Variants in TRERF1 observed in about 807,000 individuals in gnomAD.
The protein encoded by TRERF1 is transcriptional regulating factor 1.
Under a neutral mutation model 122.9 loss-of-function variants are expected in TRERF1, and 27 were observed. The observed-to-expected ratio is 0.22, with a 90% confidence interval of 0.16 to 0.30. TRERF1 has a LOEUF of 0.30. Ranked by LOEUF, TRERF1 falls within the 10% of genes least tolerant of loss-of-function variation. The probability of loss-of-function intolerance (pLI) is 1.00; values close to 1 mark genes in which losing one functional copy is unlikely to be tolerated. For synonymous variants in TRERF1, 636 were observed against 641.7 expected, an observed-to-expected ratio of 0.99 and a Z score of 0.13; for missense variants, 1,248 against 1,560.3, an observed-to-expected ratio of 0.80 and a Z score of 3.37.
chr6:42,343,943 C>T (rs538994863), intron 3 of TRERF1, among the ~76,000 whole-genome samples: 6 of 152,322 alleles, frequency 3.9e-5, no homozygotes, highest in Admixed American at 3.9e-4. Flanking sequence ...AGCTGCTGAG[C>T]CTCAGTTCTT....
chr6:42,255,527 C>T (rs1436027672), intron 12 of TRERF1, among the ~76,000 whole-genome samples: 1 of 152,226 alleles, frequency 6.6e-6, no homozygotes, highest in Non-Finnish European at 1.5e-5. Context: ...ACGTCCCTCA[C>T]CTGGGAGCCG....
At chr6:42,442,626 A>G (rs761411641) in intron 2 of TRERF1, among the ~76,000 whole-genome samples, 3 of 152,246 alleles carry the variant, frequency 2.0e-5, no homozygotes, top group Non-Finnish European at 4.4e-5. Flanking sequence ...TTTGTGCTCC[A>G]GAATAATGGA....
In TRERF1 at chr6:42,436,810, A is replaced by ATATAT. The variant is rs1235613225; in HGVS notation, c.-454+14366_-454+14367insATATA. Among the ~76,000 whole-genome samples, 454 of 101,932 alleles carry ATATAT rather than the reference A, an allele frequency of 4.5e-3. 2 individuals carry two copies. The highest frequency in any genetic ancestry group is 6.0e-3 in the Admixed American group (53 of 8,864). The allele number at this position is 101,932 out of a possible 152,430, so 66.9% of individuals were successfully genotyped here. A position where few individuals can be genotyped will look rare whatever the true frequency, so the allele number is the denominator to read the frequency against. On this transcript the variant is annotated intron_variant, in intron 2 of 17. Coordinates refer to ENST00000372922, the Ensembl canonical transcript of TRERF1. ...TGCAATCTCCCTCTACAAAAAAAAA[A>ATATAT]AAAAATATATATATATATATATATA...
intron 15 of TRERF1, among the ~76,000 whole-genome samples, chr6:42,237,913 A>G (rs945417135): frequency 6.6e-6 from 1 of 152,242 alleles, no homozygotes; most frequent in African/African-American, 2.4e-5. Flanking sequence ...GGTGTATTTA[A>G]GAAATGGCTT....
chr6:42,326,027 G>A (rs395986), intron 3 of TRERF1, among the ~76,000 whole-genome samples: 79 of 152,296 alleles, frequency 5.2e-4, no homozygotes, highest in African/African-American at 1.7e-3. Context: ...TACAAAATGC[G>A]GGAGGGTGGC....
intron 2 of TRERF1, among the ~76,000 whole-genome samples, chr6:42,407,056 A>G (rs1780281255): frequency 2.0e-5 from 3 of 152,244 alleles, no homozygotes; most frequent in Admixed American, 6.5e-5. Context: ...CTAGCTCCCA[A>G]GTAAAGGAAC....
intron 13 of TRERF1, among the ~76,000 whole-genome samples, chr6:42,251,422 T>G (rs1053496293): frequency 2.0e-5 from 3 of 152,134 alleles, no homozygotes; most frequent in Admixed American, 6.6e-5. Context: ...AGTAATTTTT[T>G]GGGGGGTGCA....
rs1778596295 is a variant in TRERF1, at chr6:42,263,431, C to G, written c.1773G>C (p.Lys591Asn). The G allele has an allele frequency of 6.2e-7, 1 of 1,611,666 alleles. No individual in the cohort carries two copies. The highest frequency in any genetic ancestry group is 8.5e-7 in the Non-Finnish European group (1 of 1,178,894). ...GAGAGCTGGGCTTGGGCGGGAGAAG[C>G]TTGACAGGGACAGACACGGGCATGA... is the stretch of plus-strand genomic sequence containing the variant. Residue 591 changes from lysine (K) to asparagine (N), a missense_variant, in exon 8 of 18, where the codon AAG (lysine) becomes AAC (asparagine). Physicochemically the swap from Lys to Asn is moderately conservative, Grantham distance 94. This residue lies in a region of TRERF1 where 946 missense variants were observed against 1,073.0 expected (regional missense o/e 0.88). Transcript: ENST00000372922. This position sits in a 1 kb window ranked among gnomAD's most constrained non-coding sequence, Gnocchi z 5.6.
intron 1 of TRERF1, 25 bp from the exon 2 acceptor site, chr6:42,451,286 T>C (rs1292526428): frequency 6.5e-6 from 1 of 153,146 alleles, no homozygotes; most frequent in Non-Finnish European, 1.5e-5. Context: ...TCAATATTAA[T>C]TTATGTCAGC....
At chr6:42,245,045 G>C (rs1004482576) in intron 14 of TRERF1, among the ~76,000 whole-genome samples, 1 of 152,224 alleles carries the variant, frequency 6.6e-6, no homozygotes, top group African/African-American at 2.4e-5. Flanking sequence ...CTGACACCTG[G>C]AATTTCCACA....
At chr6:42,410,428 C>T (rs1780941556) in intron 2 of TRERF1, among the ~76,000 whole-genome samples, 2 of 152,104 alleles carry the variant, frequency 1.3e-5, no homozygotes, top group Admixed American at 6.5e-5. Flanking sequence ...GGATTACAGG[C>T]GTGAGCCACT....
intron 3 of TRERF1, among the ~76,000 whole-genome samples, chr6:42,318,609 T>C (rs1444859282): frequency 6.6e-6 from 1 of 152,210 alleles, no homozygotes; most frequent in Non-Finnish European, 1.5e-5. Context: ...CCAGAATGGA[T>C]ACTCAGGGGC....
At chr6:42,264,334 G>T (rs2149842476) in intron 7 of TRERF1, among the ~76,000 whole-genome samples, 1 of 152,332 alleles carries the variant, frequency 6.6e-6, no homozygotes, top group East Asian at 1.9e-4. Context: ...GCTTTCTCTG[G>T]CAATTGACCA....
chr6:42,384,868 G>A (rs1370565150), intron 2 of TRERF1, among the ~76,000 whole-genome samples: 4 of 151,712 alleles, frequency 2.6e-5, no homozygotes, highest in South Asian at 2.1e-4. Context: ...GCAGTGGCAC[G>A]ATCTCAGCTC....
chr6:42,304,797 C>T (rs781625765), intron 3 of TRERF1, among the ~76,000 whole-genome samples: 6 of 152,168 alleles, frequency 3.9e-5, no homozygotes, highest in Admixed American at 6.5e-5. Context: ...ACCATTCTAC[C>T]GTGTACAGAA....
At chr6:42,350,030 T>C (rs889624065) in intron 3 of TRERF1, among the ~76,000 whole-genome samples, 1 of 152,196 alleles carries the variant, frequency 6.6e-6, no homozygotes, top group Non-Finnish European at 1.5e-5. Context: ...CTATCATATT[T>C]AGATTGCATT....
At chr6:42,350,024 C>A (rs1300555684) in intron 3 of TRERF1, among the ~76,000 whole-genome samples, 1 of 152,142 alleles carries the variant, frequency 6.6e-6, no homozygotes, top group Non-Finnish European at 1.5e-5. Context: ...AGTGGACTAT[C>A]ATATTTAGAT....
intron 4 of TRERF1, among the ~76,000 whole-genome samples, chr6:42,277,542 T>C (rs903254015): frequency 6.6e-6 from 1 of 152,150 alleles, no homozygotes; most frequent in South Asian, 2.1e-4. Flanking sequence ...TCTGTGAATA[T>C]GGGGTAGTTA....
At chr6:42,316,490 C>T (rs1052410685) in intron 3 of TRERF1, among the ~76,000 whole-genome samples, 1 of 152,188 alleles carries the variant, frequency 6.6e-6, no homozygotes, top group African/African-American at 2.4e-5. Context: ...AGCAGGCAGA[C>T]ACCTTCATTA....
Sources: gnomAD v4.1 joint callset for allele counts (sites outside exome capture counted in the v4.1 genomes callset) on GRCh38, gnomAD v4.1.1 for gene constraint, gnomAD v4.1.1 regional missense constraint, Gnocchi (gnomAD v3.1) non-coding constraint, MANE v1.5 for transcripts, NCBI Gene and HGNC (gene_info 2026-07-23, HGNC 2026-07-21) for gene names.